Variants in ZDHHC19 observed in about 807,000 individuals in gnomAD.
ZDHHC19 encodes palmitoyltransferase ZDHHC19.
ZDHHC19 carries 30 observed loss-of-function variants against 33.9 expected under a neutral mutation model. The ratio of observed to expected loss-of-function variants is 0.88; its 90% CI spans 0.66 to 1.20. The LOEUF (loss-of-function observed/expected upper bound fraction) is 1.20, where lower values mean the gene tolerates loss of function less well. Among genes scored for constraint, ZDHHC19 ranks in the 50% most tolerant of loss-of-function variants. ZDHHC19 has a pLI of 0.00. For synonymous variants in ZDHHC19, 178 were observed against 167.6 expected, an observed-to-expected ratio of 1.06 and a Z score of -0.48; for missense variants, 364 against 401.1, an observed-to-expected ratio of 0.91 and a Z score of 0.79.
intron 5 of ZDHHC19, among the ~76,000 whole-genome samples, chr3:196,200,627 T>C (rs1338592073): frequency 1.3e-5 from 2 of 149,500 alleles, no homozygotes; most frequent in African/African-American, 2.5e-5. Flanking sequence ...GTGCTGGGAT[T>C]ACAAGCGTGA....
Position 196,198,355 on chromosome 3 carries a change from G to T in ZDHHC19, c.870C>A (p.Asn290Lys), listed in dbSNP as rs563048022. 2.1e-5 allele frequency: 32 copies of T among 1,522,722 alleles called. No individual in the cohort carries two copies. In the South Asian group the frequency reaches 4.2e-4, roughly 20 times the overall value. 94.3% of individuals were successfully genotyped at this position (1,522,722 alleles called of 1,614,324 possible). A position where few individuals can be genotyped will look rare whatever the true frequency, so the allele number is the denominator to read the frequency against. The change falls in exon 7 of 8, where the codon AAC (asparagine) becomes AAA (lysine). Residue 290 changes from asparagine to lysine, a missense_variant. Transcript: ENST00000296326. ...GGGACCCAGAGGTTGGGGCTGGGGGGTTGAGAGCAGAGGGGGACATTGGAG... is the reference window on the plus strand; with the variant it reads ...GGGACCCAGAGGTTGGGGCTGGGGGTTTGAGAGCAGAGGGGGACATTGGAG... The part of the protein sequence containing the change: ...LHPPMSPSAL[N>K]PPAPTSGSLQ...
chr3:196,199,859 C>T (rs564071042), intron 5 of ZDHHC19, among the ~76,000 whole-genome samples: 14 of 151,954 alleles, frequency 9.2e-5, no homozygotes, highest in African/African-American at 2.7e-4. Context: ...ACAGAAGAAT[C>T]GCTTGAACCC....
chr3:196,206,074 CAG>C (rs1290437878), intron 5 of ZDHHC19, among the ~76,000 whole-genome samples: 5 of 147,400 alleles, frequency 3.4e-5, no homozygotes, highest in African/African-American at 1.3e-4. Flanking sequence ...GTTTTTGAGA[CAG>C]AGTCTCAATC....
At position 196,207,499 on chromosome 3, in the gene ZDHHC19, C is replaced by G. The variant is rs771568852; in HGVS notation, c.586G>C (p.Val196Leu). 1.3e-6 allele frequency: 2 copies of G among 1,556,176 alleles called. No individual in the cohort carries two copies. The highest frequency in any genetic ancestry group is 3.9e-5 in the Admixed American group (2 of 51,786). Residue 196 changes from valine (V) to leucine (L), a missense_variant, in exon 5 of 8, where the codon GTG (valine) becomes CTG (leucine). Coordinates refer to ENST00000296326, the MANE Select transcript of ZDHHC19 (RefSeq NM_001039617.2). ...PFSTDKAIAI[V>L]VAVSAAGLLV... is the part of the protein sequence containing the mutation. ...AGGCCCGCGGCGGACACGGCCACCACGATGCTGCGCGGGTTAAGGAACCGG... is the reference window on the plus strand; with the variant it reads ...AGGCCCGCGGCGGACACGGCCACCAGGATGCTGCGCGGGTTAAGGAACCGG...
At chr3:196,199,813 C>T (rs548346552) in intron 5 of ZDHHC19, among the ~76,000 whole-genome samples, 15 of 151,620 alleles carry the variant, frequency 9.9e-5, no homozygotes, top group South Asian at 2.1e-4. Context: ...GGCGTGGTGG[C>T]GGGTGCCTGT....
At chr3:196,200,283 C>T (rs1341105402) in intron 5 of ZDHHC19, among the ~76,000 whole-genome samples, 1 of 145,620 alleles carries the variant, frequency 6.9e-6, no homozygotes, top group Non-Finnish European at 1.5e-5. Context: ...TCTAGAAAAA[C>T]TAAAATCTAA....
Position 196,203,396 on chromosome 3 carries a change from G to A in ZDHHC19, c.687+4002C>T, listed in dbSNP as rs1225085142. ...TGCCCATTTTACAGTTGGGGAAAGTGGACGCCTAGGTGGCTAAGTAATATA... is the reference window on the plus strand; with the variant it reads ...TGCCCATTTTACAGTTGGGGAAAGTAGACGCCTAGGTGGCTAAGTAATATA... On this transcript the variant is annotated intron_variant, in intron 5 of 7. Coordinates refer to ENST00000296326, the MANE Select transcript of ZDHHC19 (RefSeq NM_001039617.2). The surrounding 1 kb of genome is among the most constrained non-coding windows in gnomAD (Gnocchi z 4.3). Among the ~76,000 whole-genome samples the A allele has an allele frequency of 6.6e-6, 1 of 152,206 alleles. No homozygotes were observed. The highest frequency in any genetic ancestry group is 1.5e-5 in the Non-Finnish European group (1 of 68,034).
At chr3:196,209,708 A>G (rs1723061917) in intron 2 of ZDHHC19, among the ~76,000 whole-genome samples, 193 bp from the exon 3 acceptor site, 1 of 152,172 alleles carries the variant, frequency 6.6e-6, no homozygotes, top group African/African-American at 2.4e-5. Context: ...CAGCCAGGAG[A>G]GTTTTGTATG....
At chr3:196,209,988 G>A (rs1184606743) in intron 2 of ZDHHC19, among the ~76,000 whole-genome samples, 1 of 152,130 alleles carries the variant, frequency 6.6e-6, no homozygotes, top group African/African-American at 2.4e-5. Flanking sequence ...TCAGGAGTTC[G>A]AGACCAGCCT....
intron 5 of ZDHHC19, among the ~76,000 whole-genome samples, chr3:196,207,034 C>T (rs1467824329): frequency 6.6e-6 from 1 of 152,172 alleles, no homozygotes; most frequent in African/African-American, 2.4e-5. Flanking sequence ...ACCCTCAATG[C>T]CTGAGTCTGC....
At position 196,198,880 on chromosome 3, in the gene ZDHHC19, C is replaced by G. The variant is rs747074314; in HGVS notation, c.688-6G>C. 1 of 1,613,506 alleles carries G rather than the reference C, an allele frequency of 6.2e-7. No individual in the cohort carries two copies. The highest frequency in any genetic ancestry group is 8.5e-7 in the Non-Finnish European group (1 of 1,179,680). The stretch of plus-strand genomic sequence containing the variant: ...TATCCCTGAAGGTGTCTGCACTGGT[C>G]GGGGATGGAAACCGGAAGAGGAGCT... On this transcript the variant is annotated splice_polypyrimidine_tract_variant and splice_region_variant and intron_variant, in intron 5 of 7. Transcript: ENST00000296326.
Position 196,207,425 on chromosome 3 carries a change from G to A in ZDHHC19, c.660C>T (p.Ser220=). The A allele has an allele frequency of 6.4e-7, 1 of 1,570,520 alleles. No individual in the cohort carries two copies. The highest frequency in any genetic ancestry group is 8.6e-7 in the Non-Finnish European group (1 of 1,158,914). Residue 220 remains serine (S), a synonymous_variant, in exon 5 of 8, where the codon AGC becomes AGT. Transcript: ENST00000296326. ...TGCCCTTGTAGGTGCGGTCGGCCGA[G>A]CTCACGGACAGTGCCTGGATCAGCA... ...LLLLIQALSV[S]SADRTYKGKC...
intron 5 of ZDHHC19, among the ~76,000 whole-genome samples, chr3:196,200,565 A>AG (rs535099223): frequency 0.031 from 4,665 of 150,296 alleles, 326 homozygotes; most frequent in African/African-American, 0.11. Context: ...CGTGTTAGCC[A>AG]GGATGGTCTC....
At chr3:196,206,014 C>T (rs973216479) in intron 5 of ZDHHC19, among the ~76,000 whole-genome samples, 1 of 151,460 alleles carries the variant, frequency 6.6e-6, no homozygotes, top group South Asian at 2.1e-4. Flanking sequence ...ACCATGATTT[C>T]ATCATCAAGC....
At chr3:196,210,350 A>AAG (rs1262529508) in intron 2 of ZDHHC19, among the ~76,000 whole-genome samples, 6 of 136,082 alleles carry the variant, frequency 4.4e-5, no homozygotes, top group East Asian at 2.1e-4. Context: ...AGAAAAGAGA[A>AAG]AGAAAGAAAG....
At chr3:196,208,793 GAGAAGA>G in intron 3 of ZDHHC19, 1 of 543,836 alleles carries the variant, frequency 1.8e-6, no homozygotes, top group South Asian at 2.3e-5. Context: ...GACCTTTAGA[GAGAAGA>G]CTGGCCTGGC....
At chr3:196,208,024 C>T (rs1190272110) in intron 4 of ZDHHC19, among the ~76,000 whole-genome samples, 1 of 151,534 alleles carries the variant, frequency 6.6e-6, no homozygotes, top group Non-Finnish European at 1.5e-5. Context: ...CCACCTCAGC[C>T]TTCCAGGTAG....
rs10690373 is a variant in ZDHHC19, at chr3:196,210,346, G to GAGAAAGAAAGAA, written c.268+258_268+269dup. 6.4e-3 allele frequency among the ~76,000 whole-genome samples: 498 copies of GAGAAAGAAAGAA among 78,022 alleles called. 15 individuals carry two copies. The highest frequency in any genetic ancestry group is 0.017 in the African/African-American group (435 of 25,822). The allele number at this position is 78,022 out of a possible 152,430, so 51.2% of individuals were successfully genotyped here. ...GAAGGAAAGAAAGAAAGAAAGAAAA[G>GAGAAAGAAAGAA]AGAAAGAAAGAAAGAAGGAAGGAAG... is the stretch of plus-strand genomic sequence containing the variant. On this transcript the variant is annotated intron_variant, in intron 2 of 7. Coordinates refer to ENST00000296326, the MANE Select transcript of ZDHHC19 (RefSeq NM_001039617.2).
At chr3:196,207,280 A>G in intron 5 of ZDHHC19, 118 bp downstream of exon 5, 1 of 838,966 alleles carries the variant, frequency 1.2e-6, no homozygotes, top group East Asian at 2.9e-5. Flanking sequence ...GTCTGGAGGG[A>G]CCTAACGAGG....
Sources: allele counts gnomAD v4.1 joint callset (sites outside exome capture counted in the v4.1 genomes callset), GRCh38; gene constraint gnomAD v4.1.1; non-coding constraint Gnocchi (gnomAD v3.1); transcripts MANE v1.5; gene names NCBI Gene and HGNC (gene_info 2026-07-23, HGNC 2026-07-21).